Variants in RTTN observed in about 807,000 individuals in gnomAD.
RTTN encodes the protein rotatin.
In RTTN, 182 loss-of-function variants were observed where a neutral mutation model predicts 269.2. That is an observed-to-expected ratio of 0.68 (90% CI 0.60 to 0.76). The LOEUF (loss-of-function observed/expected upper bound fraction) is 0.76. Among genes scored for constraint, RTTN ranks in the 30% least tolerant of loss-of-function variants. RTTN has a pLI of 0.00. For missense variants in RTTN, 2,545 were observed against 2,608.6 expected, an observed-to-expected ratio of 0.98 and a Z score of 0.53; for synonymous variants, 1,006 against 963.5, an observed-to-expected ratio of 1.04 and a Z score of -0.82.
chr18:70,182,034 G>A (rs972303258), intron 10 of RTTN, among the ~76,000 whole-genome samples: 2 of 152,108 alleles, frequency 1.3e-5, no homozygotes, highest in African/African-American at 4.8e-5. Context: ...AACTGATAAA[G>A]CATTCCTCAC....
intron 32 of RTTN, among the ~76,000 whole-genome samples, chr18:70,082,752 A>G (rs2058603220): frequency 1.3e-5 from 2 of 152,126 alleles, no homozygotes; most frequent in Admixed American, 1.3e-4. Flanking sequence ...GCACAGTGAC[A>G]CAATCATAGC....
Position 70,197,611 on chromosome 18 carries a change from A to G in RTTN, c.693+13T>C, listed in dbSNP as rs1230031924. On this transcript the variant is annotated intron_variant, in intron 6 of 48. Coordinates refer to ENST00000640769, the MANE Select transcript of RTTN (RefSeq NM_173630.4). ...CTAGTTCAAAATCTAAAACAATTAT[A>G]GAGGGCACTGACCTGAACAATTTTT... 1 of 1,515,490 alleles carries G rather than the reference A, an allele frequency of 6.6e-7. No homozygotes were observed. Among genetic ancestry groups the G allele is most frequent in the South Asian group, 1.1e-5 (1 of 89,002 alleles). 93.9% of individuals were successfully genotyped at this position (1,515,490 alleles called of 1,614,324 possible).
chr18:70,029,960 G>C, intron 42 of RTTN, 52 bp downstream of exon 42: 1 of 1,288,680 alleles, frequency 7.8e-7, no homozygotes, highest in East Asian at 2.3e-5. Flanking sequence ...AGGCACAAGA[G>C]GACTGGAGAA....
intron 14 of RTTN, among the ~76,000 whole-genome samples, chr18:70,151,237 T>A (rs1239549885): frequency 6.7e-6 from 1 of 148,262 alleles, no homozygotes; most frequent in Non-Finnish European, 1.5e-5. Context: ...TGCTACATAT[T>A]TATGTCCTAT....
intron 40 of RTTN, among the ~76,000 whole-genome samples, chr18:70,036,749 A>G (rs2144676504): frequency 6.6e-6 from 1 of 152,336 alleles, no homozygotes; most frequent in South Asian, 2.1e-4. Context: ...AGAAGCCTAT[A>G]CTGTCTGTCC....
chr18:70,045,789 T>C (rs559573058), intron 40 of RTTN, among the ~76,000 whole-genome samples: 1 of 152,196 alleles, frequency 6.6e-6, no homozygotes, highest in African/African-American at 2.4e-5. Flanking sequence ...ACAAAGAGTA[T>C]GATTTATTAG....
intron 2 of RTTN, 107 bp downstream of exon 2, chr18:70,205,021 A>T: frequency 8.8e-7 from 1 of 1,140,918 alleles, no homozygotes; most frequent in Non-Finnish European, 1.3e-6. Context: ...TGGTTGATTA[A>T]AAAAACTTTT....
Position 70,065,926 on chromosome 18 carries a change from T to C in RTTN, c.4654-4A>G. ...TACTCCCCAATGAAGGTGCCACCTA[T>C]GAATCAGTAAATTATTTTACTTATT... is the stretch of plus-strand genomic sequence containing the variant. On this transcript the variant is annotated splice_polypyrimidine_tract_variant and splice_region_variant and intron_variant, in intron 34 of 48. Coordinates refer to ENST00000640769, the MANE Select transcript of RTTN (RefSeq NM_173630.4). 2 of 1,573,010 alleles carry C rather than the reference T, an allele frequency of 1.3e-6. No homozygotes were observed. The highest frequency in any genetic ancestry group is 1.7e-6 in the Non-Finnish European group (2 of 1,156,310).
intron 14 of RTTN, among the ~76,000 whole-genome samples, chr18:70,161,022 A>T (rs886526545): frequency 3.9e-5 from 6 of 152,226 alleles, no homozygotes; most frequent in Admixed American, 6.5e-5. Context: ...GAACCAAAAA[A>T]AGAGACCGAA....
At chr18:70,076,514 G>A (rs932384391) in intron 32 of RTTN, among the ~76,000 whole-genome samples, 2 of 151,924 alleles carry the variant, frequency 1.3e-5, no homozygotes, top group Non-Finnish European at 2.9e-5. Flanking sequence ...TTAAAGGCAC[G>A]ATTACACTAA....
Position 70,121,707 on chromosome 18 carries a change from T to C in RTTN, c.3384-7A>G. 1 of 1,533,454 alleles carries C rather than the reference T, an allele frequency of 6.5e-7. No individual in the cohort carries two copies. The highest frequency in any genetic ancestry group is 8.7e-7 in the Non-Finnish European group (1 of 1,146,064). The allele number at this position is 1,533,454 out of a possible 1,614,324, so 95.0% of individuals were successfully genotyped here. ...AGGAAGCACCTGTAAAAACCTATAA[T>C]GAAAAGACAATAATCATGGTTTCTG... is the stretch of plus-strand genomic sequence containing the variant. On this transcript the variant is annotated splice_region_variant and splice_polypyrimidine_tract_variant and intron_variant, in intron 25 of 48. Coordinates refer to ENST00000640769, the MANE Select transcript of RTTN (RefSeq NM_173630.4).
chr18:70,166,822 A>G, intron 13 of RTTN, 97 bp downstream of exon 13: 1 of 760,142 alleles, frequency 1.3e-6, no homozygotes. Context: ...AAATAATAAC[A>G]AAGATATACA....
In RTTN at chr18:70,205,540, G is replaced by C. The variant is rs1305718945; in HGVS notation, c.31+88C>G. 3 of 1,555,752 alleles carry C rather than the reference G, an allele frequency of 1.9e-6. No homozygotes were observed. The East Asian group carries it at 6.7e-5, about 35-fold the overall frequency. On this transcript the variant is annotated intron_variant, in intron 1 of 48. Transcript: ENST00000640769. ...GTGAAAGAGGGAGCGGTCGCGGAGC[G>C]GCCGGCCGCGGAAACGTGACACGAC...
intron 30 of RTTN, among the ~76,000 whole-genome samples, chr18:70,089,024 G>A (rs978031189): frequency 6.6e-6 from 1 of 151,720 alleles, no homozygotes; most frequent in African/African-American, 2.4e-5. Context: ...TTTCAAAATT[G>A]CTAAGCTTCT....
chr18:70,081,621 TA>T (rs1204362771), intron 32 of RTTN, among the ~76,000 whole-genome samples: 13 of 152,164 alleles, frequency 8.5e-5, no homozygotes, highest in African/African-American at 3.1e-4. Flanking sequence ...AATTGAAGTA[TA>T]TTACAACAAA....
intron 11 of RTTN, among the ~76,000 whole-genome samples, chr18:70,169,530 G>A (rs566396803): frequency 1.2e-4 from 19 of 152,196 alleles, no homozygotes; most frequent in African/African-American, 2.9e-4. Context: ...TTAATAACAC[G>A]AAATCAAGTA....
chr18:70,103,828 T>C (rs1362778186), intron 28 of RTTN, among the ~76,000 whole-genome samples: 1 of 151,808 alleles, frequency 6.6e-6, no homozygotes, highest in Non-Finnish European at 1.5e-5. Flanking sequence ...CACTCTCTTC[T>C]GGCTTATAGA....
At chr18:70,143,726 C>G (rs2060318964) in intron 18 of RTTN, among the ~76,000 whole-genome samples, 1 of 152,014 alleles carries the variant, frequency 6.6e-6, no homozygotes, top group Non-Finnish European at 1.5e-5. Context: ...CAAACCCGCA[C>G]AGGTACCCCT....
intron 26 of RTTN, among the ~76,000 whole-genome samples, chr18:70,119,183 C>T (rs1412032674): frequency 6.6e-6 from 1 of 151,908 alleles, no homozygotes; most frequent in African/African-American, 2.4e-5. Context: ...TCTAGAAAAA[C>T]CTAGACTCCA....
Sources: gnomAD v4.1 joint callset for allele counts (sites outside exome capture counted in the v4.1 genomes callset) on GRCh38, gnomAD v4.1.1 for gene constraint, MANE v1.5 for transcripts, NCBI Gene and HGNC (gene_info 2026-07-23, HGNC 2026-07-21) for gene names.